CPSF3: variants seen among roughly 807,000 people sequenced by gnomAD.
CPSF3 encodes the protein cleavage and polyadenylation specificity factor subunit 3.
Under a neutral mutation model 84.1 loss-of-function variants are expected in CPSF3, and 57 were observed. That is an observed-to-expected ratio of 0.68 (90% CI 0.55 to 0.85). The LOEUF (loss-of-function observed/expected upper bound fraction) is 0.85. Among genes scored for constraint, CPSF3 ranks in the 40% least tolerant of loss-of-function variants. The pLI is 0.00. For missense variants in CPSF3, 522 were observed against 838.8 expected (o/e 0.62, Z 4.66); for synonymous variants, 275 against 278.1 (o/e 0.99, Z 0.11).
chr2:9,442,864 GA>G (rs979517522), intron 9 of CPSF3, among the ~76,000 whole-genome samples: 6 of 147,936 alleles, frequency 4.1e-5, no homozygotes, highest in African/African-American at 1.2e-4. Context: ...AAAAAAAAAA[GA>G]AAAAAAAAAT....
intron 7 of CPSF3, among the ~76,000 whole-genome samples, chr2:9,438,093 G>A (rs568219835): frequency 2.6e-5 from 4 of 152,348 alleles, no homozygotes; most frequent in East Asian, 3.9e-4. Context: ...CATCCTCTCT[G>A]TTCTGCCATC....
chr2:9,445,975 G>A (rs1021815316), intron 10 of CPSF3, among the ~76,000 whole-genome samples: 2 of 152,222 alleles, frequency 1.3e-5, no homozygotes, highest in Non-Finnish European at 2.9e-5. Context: ...ACCGACAGCT[G>A]TTCTGCAGAT....
chr2:9,429,820 A>G (rs1680515596), intron 2 of CPSF3, 103 bp from the exon 3 acceptor site: 1 of 722,968 alleles, frequency 1.4e-6, no homozygotes, highest in Admixed American at 2.9e-5. Flanking sequence ...CCTGGAGTCC[A>G]TCTTGAGTAT....
At chr2:9,424,146 T>C in intron 1 of CPSF3, 1 of 1,080,466 alleles carries the variant, frequency 9.3e-7, no homozygotes, top group Non-Finnish European at 1.1e-6. Context: ...AGCACGGATC[T>C]CTGCGCGTCA....
intron 15 of CPSF3, among the ~76,000 whole-genome samples, chr2:9,463,262 A>T (rs904061211): frequency 1.2e-4 from 18 of 152,188 alleles, no homozygotes; most frequent in African/African-American, 4.3e-4. Flanking sequence ...GATCTGACGG[A>T]GTTTTTAAAG....
chr2:9,441,591 T>C, intron 8 of CPSF3: 1 of 496,140 alleles, frequency 2.0e-6, no homozygotes, highest in East Asian at 3.5e-5. Flanking sequence ...CAGAAGGTTT[T>C]GAAGATCGGG....
At chr2:9,436,508 T>A (rs959087712) in intron 7 of CPSF3, 147 bp downstream of exon 7, 2 of 769,438 alleles carry the variant, frequency 2.6e-6, no homozygotes, top group Non-Finnish European at 3.8e-6. Context: ...GCGCGGTGGC[T>A]CACGCCTGTA....
chr2:9,447,627 T>G (rs1056572864), intron 10 of CPSF3, among the ~76,000 whole-genome samples: 15 of 151,794 alleles, frequency 9.9e-5, no homozygotes, highest in African/African-American at 3.4e-4. Context: ...TACAAAAAAT[T>G]AGCCAGGCAT....
chr2:9,449,111 G>T (rs1230461148), intron 11 of CPSF3, among the ~76,000 whole-genome samples: 1 of 152,056 alleles, frequency 6.6e-6, no homozygotes, highest in Non-Finnish European at 1.5e-5. Context: ...GGACACGGTG[G>T]TTCCTGCCTA....
intron 5 of CPSF3, 45 bp from the exon 6 acceptor site, chr2:9,433,826 A>AAT (rs753732258): frequency 5.8e-5 from 77 of 1,337,212 alleles, no homozygotes; most frequent in Non-Finnish European, 8.0e-5. Context: ...TAGCAAAATG[A>AAT]AGCCTTCCCC....
chr2:9,440,734 A>G (rs532588780), intron 8 of CPSF3, 68 bp downstream of exon 8: 5 of 1,495,432 alleles, frequency 3.3e-6, no homozygotes, highest in Non-Finnish European at 4.6e-6. Context: ...AGGAGGTACG[A>G]GGCCGTGAGT....
intron 15 of CPSF3, among the ~76,000 whole-genome samples, chr2:9,460,893 T>C (rs1258272780): frequency 1.3e-5 from 2 of 152,126 alleles, no homozygotes; most frequent in African/African-American, 4.8e-5. Context: ...ATACGGGAAG[T>C]ATTCTGGGAA....
rs1456256630 is a variant in CPSF3, at chr2:9,471,430, G to A, written c.1944G>A (p.Leu648=). ...TVDGKTANLN[L]ETRTVECEEG... ...ACGGGAAAACTGCCAACCTTAACTT[G>A]GAGACACGGGTATGTAGCTGCTCTT... is the stretch of plus-strand genomic sequence containing the variant. The change falls in exon 17 of 18, where the codon TTG becomes TTA. Residue 648 remains leucine, a synonymous_variant. Transcript: ENST00000238112. 1.3e-6 allele frequency: 2 copies of A among 1,594,220 alleles called. No homozygotes were observed. The highest frequency in any genetic ancestry group is 2.2e-5 in the East Asian group (1 of 44,750).
chr2:9,466,276 A>G (rs1016948689), intron 15 of CPSF3, among the ~76,000 whole-genome samples: 2 of 138,678 alleles, frequency 1.4e-5, no homozygotes, highest in South Asian at 2.2e-4. Context: ...AGACGCACGC[A>G]CACACGTGCG....
rs373210966 is a variant in CPSF3, at chr2:9,423,666, CT to C, written c.-106del. 1.5e-4 allele frequency: 207 copies of C among 1,417,070 alleles called. 1 individual carries two copies. In the African/African-American group the frequency reaches 2.7e-3, roughly 18 times the overall value. The allele number at this position is 1,417,070 out of a possible 1,614,324, so 87.8% of individuals were successfully genotyped here. ...GCTCCGGAGTGACGGAAGTTGTGCT[CT>C]TGGTGAATGGGGTTCTTCCTTTTTT... On this transcript the variant is annotated 5_prime_UTR_variant, in exon 1 of 18. Transcript: ENST00000238112.
At chr2:9,457,256 C>A (rs1249123279) in intron 14 of CPSF3, among the ~76,000 whole-genome samples, 2 of 146,274 alleles carry the variant, frequency 1.4e-5, no homozygotes, top group African/African-American at 2.5e-5. Context: ...CACAAAAAAA[C>A]CTAATAATAA....
Position 9,466,426 on chromosome 2 carries a change from A to G in CPSF3, c.1787-1281A>G, listed in dbSNP as rs917663108. ...CGCACGCGCACACACGCACACGCGC[A>G]CACACGCGCACACACACAAAATTAG... On this transcript the variant is annotated intron_variant, in intron 15 of 17. Transcript: ENST00000238112. Among the ~76,000 whole-genome samples the G allele has an allele frequency of 4.6e-4, 66 of 144,150 alleles. 1 individual carries two copies. Among genetic ancestry groups the G allele is most frequent in the Middle Eastern group, 3.4e-3 (1 of 290 alleles). The allele number at this position is 144,150 out of a possible 152,430, so 94.6% of individuals were successfully genotyped here.
At chr2:9,427,289 G>A (rs958719885) in intron 1 of CPSF3, among the ~76,000 whole-genome samples, 5 of 152,320 alleles carry the variant, frequency 3.3e-5, no homozygotes, top group South Asian at 2.1e-4. Context: ...TTGGTACCCT[G>A]TTGGTACATG....
intron 12 of CPSF3, among the ~76,000 whole-genome samples, chr2:9,454,559 T>C (rs1352768083): frequency 6.8e-6 from 1 of 146,264 alleles, no homozygotes; most frequent in African/African-American, 2.6e-5. Flanking sequence ...TTTTTTTTTT[T>C]TGAGATGGAG....
Sources: allele counts gnomAD v4.1 joint callset (sites outside exome capture counted in the v4.1 genomes callset), GRCh38; gene constraint gnomAD v4.1.1; transcripts MANE v1.5; gene names NCBI Gene and HGNC (gene_info 2026-07-23, HGNC 2026-07-21).